Variants in SLC2A14 observed in about 807,000 individuals in gnomAD.
SLC2A14 encodes the protein solute carrier family 2, facilitated glucose transporter member 14.
Under a neutral mutation model 43.0 loss-of-function variants are expected in SLC2A14, and 13 were observed. That is an observed-to-expected ratio of 0.30 (90% CI 0.20 to 0.48). SLC2A14 has a LOEUF of 0.48. SLC2A14 is among the 20% of genes least tolerant of loss of function. The pLI, the probability that SLC2A14 is intolerant of heterozygous loss-of-function variation, is 0.99. For synonymous variants in SLC2A14, 190 were observed against 233.8 expected, an observed-to-expected ratio of 0.81 and a Z score of 1.71; for missense variants, 428 against 620.4, an observed-to-expected ratio of 0.69 and a Z score of 3.29.
chr12:7,821,825 CTT>C (rs71038774), intron 7 of SLC2A14, among the ~76,000 whole-genome samples: 7 of 127,244 alleles, frequency 5.5e-5, no homozygotes, highest in African/African-American at 6.0e-5. Context: ...GTATTTCTTT[CTT>C]TTTTTTTTTT....
chr12:7,848,359 G>A (rs1381327717), intron 2 of SLC2A14, among the ~76,000 whole-genome samples: 1 of 149,434 alleles, frequency 6.7e-6, no homozygotes, highest in African/African-American at 2.5e-5. Context: ...TTCAATATTT[G>A]TATCTCAGAT....
intron 1 of SLC2A14, among the ~76,000 whole-genome samples, chr12:7,870,252 C>G (rs930804979): frequency 6.6e-6 from 1 of 152,074 alleles, no homozygotes; most frequent in Admixed American, 6.6e-5. Context: ...CTAGCAGTTT[C>G]CCCATCTGCA....
chr12:7,849,946 ACT>A (rs1259712213), intron 2 of SLC2A14, among the ~76,000 whole-genome samples: 1 of 149,712 alleles, frequency 6.7e-6, no homozygotes, highest in Non-Finnish European at 1.5e-5. Flanking sequence ...AATGCACAAC[ACT>A]CTGCTGTACG....
At chr12:7,875,257 A>AT (rs1565585800), upstream of SLC2A14, among the ~76,000 whole-genome samples, 176 of 97,010 alleles carry the variant, frequency 1.8e-3, no homozygotes, top group South Asian at 4.8e-3. Context: ...ATATATATAT[A>AT]ATTTCTTTGG....
intron 1 of SLC2A14, among the ~76,000 whole-genome samples, chr12:7,885,504 G>A (rs1233746620): frequency 6.6e-6 from 1 of 151,156 alleles, no homozygotes; most frequent in Non-Finnish European, 1.5e-5. Flanking sequence ...TTTTCTGAAT[G>A]TTAATGTTTT....
chr12:7,869,255 T>C (rs1945099426), intron 2 of SLC2A14, among the ~76,000 whole-genome samples: 1 of 152,038 alleles, frequency 6.6e-6, no homozygotes. Context: ...AAGATGCGGG[T>C]AAGTTCCCAG....
chr12:7,879,333 A>AC lies in SLC2A14; in HGVS notation c.132+11662_132+11663insG, dbSNP rs754810714. On this transcript the variant is annotated intron_variant, in intron 1 of 9. Coordinates refer to the SLC2A14 transcript ENST00000539924. ...TGCAAAAAAAAACAAACAACAACAA[A>AC]AAAAAACAAAAGTTGCACCCCAGCC... Among the ~76,000 whole-genome samples, 28 of 61,982 alleles carry AC rather than the reference A, an allele frequency of 4.5e-4. 1 individual carries two copies. Among genetic ancestry groups the AC allele is most frequent in the East Asian group, 8.3e-4 (2 of 2,398 alleles). The allele number at this position is 61,982 out of a possible 152,430, so 40.7% of individuals were successfully genotyped here. A position where few individuals can be genotyped will look rare whatever the true frequency, so the allele number is the denominator to read the frequency against.
chr12:7,834,335 C>A (rs1437024668), intron 2 of SLC2A14, among the ~76,000 whole-genome samples: 1 of 151,948 alleles, frequency 6.6e-6, no homozygotes, highest in East Asian at 1.9e-4. Context: ...CCTTAGCTCC[C>A]AAATGCTGGG....
chr12:7,871,431 G>A (rs1268124288), intron 1 of SLC2A14: 1 of 166,998 alleles, frequency 6.0e-6, no homozygotes, highest in Non-Finnish European at 1.1e-5. Flanking sequence ...CCCCACCCCC[G>A]GCACACACTG....
In SLC2A14 at chr12:7,864,112, G is replaced by A. The variant is rs201894773; in HGVS notation, c.18+5751C>T. Among the ~76,000 whole-genome samples, 32 of 151,928 alleles carry A rather than the reference G, an allele frequency of 2.1e-4. No individual in the cohort carries two copies. The East Asian group carries it at 2.7e-3, about 13-fold the overall frequency. On this transcript the variant is annotated intron_variant, in intron 2 of 10. Transcript: ENST00000431042. ...ATTACAGGTGTCAGCCCCCGCGCCC[G>A]GCCACCACATTGTTTTGATTACAGC...
At chr12:7,824,877 T>C (rs1864210763) in intron 7 of SLC2A14, among the ~76,000 whole-genome samples, 1 of 152,036 alleles carries the variant, frequency 6.6e-6, no homozygotes, top group Non-Finnish European at 1.5e-5. Flanking sequence ...ATATTTTTAG[T>C]AGAGACAGGC....
intron 1 of SLC2A14, chr12:7,890,879 A>T: frequency 8.4e-7 from 1 of 1,189,680 alleles, no homozygotes; most frequent in Admixed American, 2.9e-5. Flanking sequence ...GACAGCCCCC[A>T]CTTAACACAC....
intron 2 of SLC2A14, among the ~76,000 whole-genome samples, chr12:7,866,386 A>T (rs1360275440): frequency 6.6e-6 from 1 of 151,944 alleles, no homozygotes; most frequent in Non-Finnish European, 1.5e-5. Context: ...TTTGAGATGG[A>T]GTCTTGCTCT....
At position 7,867,175 on chromosome 12, in the gene SLC2A14, A is replaced by C. The variant is rs569296926; in HGVS notation, c.18+2688T>G. Among the ~76,000 whole-genome samples the C allele has an allele frequency of 3.0e-3, 445 of 147,802 alleles. 3 individuals carry two copies. Among genetic ancestry groups the C allele is most frequent in the Non-Finnish European group, 4.7e-3 (318 of 67,290 alleles). ...GGGCCTGTAGCCCCAGCTACTCTGGAGGCTGAGGCAGGAGAATGGCTTGAA... is the reference window on the plus strand; with the variant it reads ...GGGCCTGTAGCCCCAGCTACTCTGGCGGCTGAGGCAGGAGAATGGCTTGAA... On this transcript the variant is annotated intron_variant, in intron 2 of 10. Coordinates refer to ENST00000431042, the MANE Select transcript of SLC2A14 (RefSeq NM_001286234.2).
chr12:7,843,060 AAAT>A, intron 2 of SLC2A14, among the ~76,000 whole-genome samples: 1 of 152,024 alleles, frequency 6.6e-6, no homozygotes, highest in Admixed American at 6.6e-5. Context: ...ATGCAATGTA[AAAT>A]AATCACCTCA....
intron 2 of SLC2A14, among the ~76,000 whole-genome samples, chr12:7,858,796 G>A (rs1269153736): frequency 6.6e-6 from 1 of 152,038 alleles, no homozygotes; most frequent in Non-Finnish European, 1.5e-5. Context: ...ACCCTGCCCA[G>A]CCCCAAATTT....
At chr12:7,866,178 T>C (rs1018314806) in intron 2 of SLC2A14, among the ~76,000 whole-genome samples, 9 of 148,402 alleles carry the variant, frequency 6.1e-5, no homozygotes, top group Non-Finnish European at 1.2e-4. Context: ...TGAGCTGAGA[T>C]TGCACCACTG....
At chr12:7,883,501 C>T (rs1945628134) in intron 1 of SLC2A14, among the ~76,000 whole-genome samples, 1 of 150,704 alleles carries the variant, frequency 6.6e-6, no homozygotes, top group Non-Finnish European at 1.5e-5. Context: ...CTCCTGACCT[C>T]ATGATCCGCC....
intron 2 of SLC2A14, chr12:7,860,633 A>G (rs1164074102): frequency 6.6e-6 from 1 of 152,202 alleles, no homozygotes; most frequent in East Asian, 1.9e-4. Context: ...TGCAAGAAAA[A>G]CGCCTTATGG....
Sources: gnomAD v4.1 joint callset for allele counts (sites outside exome capture counted in the v4.1 genomes callset) on GRCh38, gnomAD v4.1.1 for gene constraint, MANE v1.5 for transcripts, NCBI Gene and HGNC (gene_info 2026-07-23, HGNC 2026-07-21) for gene names.